RUNX1T1: variants seen among roughly 807,000 people sequenced by gnomAD.
The protein encoded by RUNX1T1 is RUNX1 partner transcriptional co-repressor 1.
Under a neutral mutation model 62.8 loss-of-function variants are expected in RUNX1T1, and 4 were observed. The observed-to-expected ratio is 0.06, with a 90% CI of 0.03 to 0.15. The LOEUF (loss-of-function observed/expected upper bound fraction) is 0.15, where lower values mean the gene tolerates loss of function less well. Among genes scored for constraint, RUNX1T1 ranks in the 10% least tolerant of loss-of-function variants. The probability of loss-of-function intolerance (pLI) is 1.00; values close to 1 mark genes in which losing one functional copy is unlikely to be tolerated. For synonymous variants in RUNX1T1, 291 were observed against 286.0 expected, an observed-to-expected ratio of 1.02 and a Z score of -0.18; for missense variants, 508 against 754.3, an observed-to-expected ratio of 0.67 and a Z score of 3.82.
intron 1 of RUNX1T1, among the ~76,000 whole-genome samples, chr8:92,085,268 T>C (rs908511357): frequency 7.2e-5 from 11 of 152,194 alleles, no homozygotes; most frequent in Admixed American, 5.9e-4. Context: ...AAAAGATTTG[T>C]AAAATGACTC....
intron 1 of RUNX1T1, among the ~76,000 whole-genome samples, chr8:92,099,040 A>G (rs1429920483): frequency 6.6e-6 from 1 of 152,220 alleles, no homozygotes; most frequent in Non-Finnish European, 1.5e-5. Context: ...TATTCTGGAT[A>G]AAATGTTCCC....
At chr8:92,067,938 G>A (rs1216797515), upstream of RUNX1T1, among the ~76,000 whole-genome samples, 2 of 152,050 alleles carry the variant, frequency 1.3e-5, no homozygotes, top group Non-Finnish European at 2.9e-5. Context: ...CACTTGCACT[G>A]ATTAAATTTT....
chr8:91,981,470 A>G (rs1202501108), intron 8 of RUNX1T1, among the ~76,000 whole-genome samples: 2 of 125,780 alleles, frequency 1.6e-5, no homozygotes, highest in Non-Finnish European at 3.1e-5. Context: ...GCTGGAGTAC[A>G]GTGGCACAAT....
At chr8:92,102,270 G>T (rs1165646480), upstream of RUNX1T1, among the ~76,000 whole-genome samples, 1 of 152,158 alleles carries the variant, frequency 6.6e-6, no homozygotes, top group Non-Finnish European at 1.5e-5. The surrounding 1 kb of genome is among the most constrained non-coding windows in gnomAD (Gnocchi z 4.5). Context: ...AGGAAAGTTC[G>T]CAGGCAGGCG....
intron 1 of RUNX1T1, among the ~76,000 whole-genome samples, chr8:92,026,694 C>T (rs528982960): frequency 4.0e-5 from 6 of 151,862 alleles, no homozygotes; most frequent in South Asian, 2.1e-4. Flanking sequence ...TGGTGGCGGG[C>T]GCCTGTAGTC....
chr8:92,054,661 T>C (rs571729959), intron 1 of RUNX1T1, among the ~76,000 whole-genome samples: 1 of 152,206 alleles, frequency 6.6e-6, no homozygotes, highest in East Asian at 1.9e-4. Flanking sequence ...TATAATATAT[T>C]AATTGCTCAT....
exon 2 of RUNX1T1, chr8:92,017,275 G>A (rs1322598607): frequency 1.2e-6 from 2 of 1,614,040 alleles, no homozygotes; most frequent in Non-Finnish European, 8.5e-7. Flanking sequence ...GAGTAGTTGG[G>A]GGAGGTGGCA....
At chr8:92,029,533 T>A (rs10100101) in intron 1 of RUNX1T1, among the ~76,000 whole-genome samples, 35,332 of 152,066 alleles carry the variant, frequency 0.23, 4,338 homozygotes, top group African/African-American at 0.31. Context: ...AAAACCCAGC[T>A]GGAAGAAGTA....
chr8:91,966,964 T>C (rs1811767839), intron 10 of RUNX1T1, among the ~76,000 whole-genome samples: 2 of 152,124 alleles, frequency 1.3e-5, no homozygotes, highest in Non-Finnish European at 2.9e-5. Flanking sequence ...ACTCCTGCCA[T>C]GTAGCTACTA....
downstream of RUNX1T1, chr8:91,958,374 C>G (rs897991491): frequency 5.1e-6 from 1 of 196,816 alleles, no homozygotes; most frequent in African/African-American, 2.3e-5. Flanking sequence ...GAAAGTAGTA[C>G]TGGTGCTTTT....
At chr8:92,005,184 G>T (rs867593578) in exon 5 of RUNX1T1, 2 of 1,613,916 alleles carry the variant, frequency 1.2e-6, no homozygotes, top group Admixed American at 1.7e-5. Flanking sequence ...CAACAGGTGA[G>T]GTGGTGCTGG....
chr8:91,977,448 G>A (rs1814215009), intron 8 of RUNX1T1: 1 of 193,974 alleles, frequency 5.2e-6, no homozygotes, highest in South Asian at 1.9e-4. Flanking sequence ...TCATTCTTAA[G>A]GCGAGATAAA....
chr8:92,017,410 C>T (rs1229290142), intron 1 of RUNX1T1, 47 bp from the exon 3 acceptor site: 2 of 1,613,760 alleles, frequency 1.2e-6, no homozygotes, highest in Admixed American at 1.7e-5. Flanking sequence ...TTAAGCACCT[C>T]AGTTTTTCAA....
chr8:92,023,130 A>G (rs906956469), intron 1 of RUNX1T1, among the ~76,000 whole-genome samples: 1 of 152,192 alleles, frequency 6.6e-6, no homozygotes, highest in African/African-American at 2.4e-5. Context: ...GGTTGTGAGA[A>G]AGACATCCTC....
intron 5 of RUNX1T1, chr8:91,994,666 T>G: frequency 2.0e-6 from 1 of 494,318 alleles, no homozygotes; most frequent in Non-Finnish European, 4.0e-6. Flanking sequence ...GTTTTCAAAC[T>G]GTGCCACCTG....
At chr8:91,959,037 C>T (rs1048109419) in exon 11 of RUNX1T1, 1 of 210,408 alleles carries the variant, frequency 4.8e-6, no homozygotes, top group African/African-American at 2.3e-5. Flanking sequence ...GGTTTCTCAC[C>T]AACTAGGAAT....
intron 1 of RUNX1T1, among the ~76,000 whole-genome samples, chr8:92,038,373 G>C (rs992662270): frequency 1.3e-5 from 2 of 151,896 alleles, no homozygotes; most frequent in African/African-American, 4.8e-5. Context: ...CTTTTAAAAG[G>C]ACAATGGAGA....
At chr8:92,089,067 A>G (rs963646380) in intron 1 of RUNX1T1, among the ~76,000 whole-genome samples, 1 of 152,162 alleles carries the variant, frequency 6.6e-6, no homozygotes, top group Admixed American at 6.5e-5. Flanking sequence ...TGAAAATATC[A>G]TTACTTCCAA....
At chr8:91,975,770 T>C (rs533717228) in intron 9 of RUNX1T1, 135 bp downstream of exon 10, 1 of 633,156 alleles carries the variant, frequency 1.6e-6, no homozygotes, top group East Asian at 2.6e-5. Context: ...GTTTAGTGGT[T>C]TTTTTTGTTT....
Sources: gnomAD v4.1 joint callset for allele counts (sites outside exome capture counted in the v4.1 genomes callset) on GRCh38, gnomAD v4.1.1 for gene constraint, Gnocchi (gnomAD v3.1) non-coding constraint, MANE v1.5 for transcripts, NCBI Gene and HGNC (gene_info 2026-07-23, HGNC 2026-07-21) for gene names.